The following SEMA3A variants were observed in gnomAD, a reference collection of about 807,000 sequenced individuals.
SEMA3A encodes semaphorin-3A.
SEMA3A carries 29 observed loss-of-function variants against 97.9 expected under a neutral mutation model. That is an observed-to-expected ratio of 0.30 (90% confidence interval 0.22 to 0.40). The LOEUF is 0.40. Ranked by LOEUF, SEMA3A falls within the 10% of genes least tolerant of loss-of-function variation. The probability of loss-of-function intolerance (pLI) is 1.00; values close to 1 mark genes in which losing one functional copy is unlikely to be tolerated. For synonymous variants in SEMA3A, 321 were observed against 323.7 expected (o/e 0.99, Z 0.09); for missense variants, 763 against 951.3 (o/e 0.80, Z 2.60).
chr7:84,393,491 G>C (rs141489741), intron 1 of SEMA3A, among the ~76,000 whole-genome samples: 1 of 152,074 alleles, frequency 6.6e-6, no homozygotes, highest in South Asian at 2.1e-4. Context: ...TAGCATAAAA[G>C]TAGACACATT....
intron 1 of SEMA3A, among the ~76,000 whole-genome samples, chr7:84,413,436 G>A (rs186868510): frequency 5.9e-5 from 9 of 152,102 alleles, no homozygotes; most frequent in African/African-American, 1.9e-4. Context: ...GAGACCAGCC[G>A]AGGAAACATG....
At chr7:84,062,772 C>T (rs1793294976) in intron 4 of SEMA3A, among the ~76,000 whole-genome samples, 1 of 152,194 alleles carries the variant, frequency 6.6e-6, no homozygotes, top group Non-Finnish European at 1.5e-5. Flanking sequence ...GGGTCCTACA[C>T]CCACGGAGTC....
intron 1 of SEMA3A, among the ~76,000 whole-genome samples, chr7:84,473,120 G>T (rs1057089388): frequency 9.5e-5 from 14 of 147,152 alleles, no homozygotes; most frequent in Non-Finnish European, 1.8e-4. Flanking sequence ...TATTGTTTGG[G>T]CTTAATGGGA....
chr7:84,225,728 A>G (rs1265164255), intron 3 of SEMA3A, among the ~76,000 whole-genome samples: 1 of 152,110 alleles, frequency 6.6e-6, no homozygotes, highest in African/African-American at 2.4e-5. Context: ...TATGTGCTCT[A>G]CCTTGTGGAG....
chr7:84,157,489 C>T (rs1386979169), intron 1 of SEMA3A, among the ~76,000 whole-genome samples: 5 of 152,070 alleles, frequency 3.3e-5, no homozygotes, highest in African/African-American at 7.2e-5. Context: ...GTTAAGGGGA[C>T]GCTGGAGAGC....
intron 4 of SEMA3A, among the ~76,000 whole-genome samples, chr7:84,070,674 C>G (rs1425808431): frequency 1.3e-5 from 2 of 151,926 alleles, no homozygotes; most frequent in Non-Finnish European, 2.9e-5. Context: ...TTCTGCCTTT[C>G]TGTTTCTCAC....
chr7:84,278,594 A>G (rs1030164944), intron 3 of SEMA3A, among the ~76,000 whole-genome samples: 2 of 152,152 alleles, frequency 1.3e-5, no homozygotes, highest in Non-Finnish European at 2.9e-5. Context: ...AAGCATAGAG[A>G]TATCTGCTCA....
chr7:84,435,450 A>C (rs955290109), intron 1 of SEMA3A, among the ~76,000 whole-genome samples: 7 of 152,190 alleles, frequency 4.6e-5, no homozygotes, highest in African/African-American at 1.7e-4. Flanking sequence ...TCTACTAAAA[A>C]TACAAAAATT....
intron 11 of SEMA3A, among the ~76,000 whole-genome samples, chr7:84,004,694 T>C (rs927221162): frequency 5.3e-5 from 8 of 152,318 alleles, no homozygotes; most frequent in African/African-American, 1.9e-4. Context: ...ATTAAACTTA[T>C]CTACTTGTCA....
chr7:84,172,387 ATTC>A (rs1221991993), intron 1 of SEMA3A, among the ~76,000 whole-genome samples: 1 of 152,054 alleles, frequency 6.6e-6, no homozygotes, highest in Non-Finnish European at 1.5e-5. Context: ...GTCACAAAAT[ATTC>A]TTCTTTTGAT....
At chr7:84,029,810 TACACACACACACACAC>T (rs34158057) in intron 6 of SEMA3A, among the ~76,000 whole-genome samples, 1 of 116,788 alleles carries the variant, frequency 8.6e-6, no homozygotes, top group South Asian at 2.4e-4. Context: ...CCCTTCCATA[TACACACACACACACAC>T]ACACACACAC....
rs372380784 is a variant in SEMA3A at position 84,203,526 on chromosome 7, A to ATATAT, written c.-82-8859_-82-8858insATATA. 3.1e-4 allele frequency among the ~76,000 whole-genome samples: 8 copies of ATATAT among 25,674 alleles called. 1 individual carries two copies. The highest frequency in any genetic ancestry group is 2.9e-3 in the East Asian group (2 of 686). The allele number at this position is 25,674 out of a possible 152,430, so 16.8% of individuals were successfully genotyped here. A position where few individuals can be genotyped will look rare whatever the true frequency, so the allele number is the denominator to read the frequency against. ...TGTATATATATATATATATATATAT[A>ATATAT]TTTTTTTTTTTTTTTTTTTTCTGAG... is the stretch of plus-strand genomic sequence containing the variant. On this transcript the variant is annotated intron_variant, in intron 3 of 3. Transcript: ENST00000424555.
intron 3 of SEMA3A, among the ~76,000 whole-genome samples, chr7:84,203,745 G>C (rs1798417286): frequency 1.3e-5 from 2 of 150,934 alleles, no homozygotes; most frequent in African/African-American, 4.9e-5. Flanking sequence ...TAGTCAGTCT[G>C]GTCTCGAACT....
At chr7:84,307,907 T>C (rs1296232461) in intron 2 of SEMA3A, among the ~76,000 whole-genome samples, 1 of 152,098 alleles carries the variant, frequency 6.6e-6, no homozygotes, top group Non-Finnish European at 1.5e-5. Context: ...ACATTAATTG[T>C]ACACATTTCA....
chr7:84,301,321 A>AAC lies in SEMA3A; in HGVS notation c.-83+5884_-83+5885dup, dbSNP rs764059817. 5.3e-5 allele frequency among the ~76,000 whole-genome samples: 8 copies of AAC among 152,068 alleles called. No homozygotes were observed. In the South Asian group the frequency reaches 1.0e-3, roughly 20 times the overall value. ...ACAGAATGGTAGAAAATATTCACAA[A>AAC]ACACACACACACATGCATATATCAA... On this transcript the variant is annotated intron_variant, in intron 3 of 3. Transcript: ENST00000424555.
chr7:84,356,235 T>C (rs887165559), intron 2 of SEMA3A, among the ~76,000 whole-genome samples: 2 of 151,864 alleles, frequency 1.3e-5, no homozygotes, highest in East Asian at 1.9e-4. Flanking sequence ...ATTAATATTA[T>C]AGTATATGCA....
intron 3 of SEMA3A, among the ~76,000 whole-genome samples, chr7:84,124,327 T>C (rs573377673): frequency 1.2e-4 from 19 of 152,180 alleles, no homozygotes; most frequent in African/African-American, 3.6e-4. Flanking sequence ...AAATGGTAAG[T>C]GCAGGCTCCG....
At position 84,236,797 on chromosome 7, in the gene SEMA3A, T is replaced by G. The variant is rs192283342; in HGVS notation, c.-82-42129A>C. On this transcript the variant is annotated intron_variant, in intron 3 of 3. Transcript: ENST00000424555. Reference sequence around the variant, plus strand: ...TCTTCCAATACCTTGAACAAATCTCTCTTCCCCTGTCATTTATGGAGTGTA... The same window carrying G: ...TCTTCCAATACCTTGAACAAATCTCGCTTCCCCTGTCATTTATGGAGTGTA... 2.6e-3 allele frequency among the ~76,000 whole-genome samples: 400 copies of G among 152,242 alleles called. 2 individuals carry two copies. The highest frequency in any genetic ancestry group is 9.1e-3 in the African/African-American group (380 of 41,560).
intron 1 of SEMA3A, among the ~76,000 whole-genome samples, chr7:84,425,901 A>G (rs935017738): frequency 5.3e-5 from 8 of 150,954 alleles, no homozygotes; most frequent in African/African-American, 1.9e-4. Context: ...ACTCAGTCTT[A>G]AAAACGACAG....
Sources: gnomAD v4.1 joint callset for allele counts (sites outside exome capture counted in the v4.1 genomes callset) on GRCh38, gnomAD v4.1.1 for gene constraint, MANE v1.5 for transcripts, NCBI Gene and HGNC (gene_info 2026-07-23, HGNC 2026-07-21) for gene names.